MGRN1: variants seen among roughly 807,000 people sequenced by gnomAD.
MGRN1 encodes E3 ubiquitin-protein ligase MGRN1.
A neutral mutation model predicts 69.2 loss-of-function variants in MGRN1; 29 were observed. The ratio of observed to expected loss-of-function variants is 0.42; its 90% CI spans 0.31 to 0.57. The LOEUF (loss-of-function observed/expected upper bound fraction) is 0.57. Ranked by LOEUF, MGRN1 falls within the 20% of genes least tolerant of loss-of-function variation. The pLI is 0.15. For synonymous variants in MGRN1, 470 were observed against 344.2 expected (o/e 1.37, Z -4.04); for missense variants, 998 against 796.2 (o/e 1.25, Z -3.05).
chr16:4,680,140 T>C, intron 12 of MGRN1, 43 bp downstream of exon 12: 1 of 1,592,370 alleles, frequency 6.3e-7, no homozygotes, highest in South Asian at 1.1e-5. Flanking sequence ...GCCCCCGCCC[T>C]CATTTTTAAA....
chr16:4,688,223 C>G (rs1010708042), intron 16 of MGRN1: 105 of 985,604 alleles, frequency 1.1e-4, no homozygotes, highest in Non-Finnish European at 1.2e-4. Flanking sequence ...GCACCATTGC[C>G]CAAGCCCCAG....
chr16:4,650,338 T>G (rs774311972), intron 1 of MGRN1, 27 bp from the exon 2 acceptor site: 5 of 1,462,236 alleles, frequency 3.4e-6, no homozygotes, highest in Non-Finnish European at 4.7e-6. Context: ...AAAAAAAATC[T>G]ATAATCGTGT....
At chr16:4,655,615 C>T (rs1365126887) in intron 4 of MGRN1, among the ~76,000 whole-genome samples, 1 of 152,114 alleles carries the variant, frequency 6.6e-6, no homozygotes, top group Non-Finnish European at 1.5e-5. Context: ...CTTCCCCTCC[C>T]AGCAGGCATC....
At chr16:4,682,555 C>T (rs1433025378) in intron 13 of MGRN1, among the ~76,000 whole-genome samples, 5 of 152,218 alleles carry the variant, frequency 3.3e-5, no homozygotes, top group Admixed American at 6.5e-5. Flanking sequence ...CCAGCGGTTT[C>T]TCTTCTCCTT....
chr16:4,682,906 G>A lies in MGRN1; in HGVS notation c.1442G>A (p.Gly481Asp). 2 of 1,608,686 alleles carry A rather than the reference G, an allele frequency of 1.2e-6. No individual in the cohort carries two copies. The highest frequency in any genetic ancestry group is 8.5e-7 in the Non-Finnish European group (1 of 1,176,584). The change falls in exon 14 of 17, where the codon GGT becomes GAT. Residue 481 changes from glycine to aspartate, a missense_variant. Transcript: ENST00000262370. ...SEDVDAPPPL[G>D]GAELALRESS... is the part of the protein sequence containing the mutation. The stretch of plus-strand genomic sequence containing the variant: ...GACGTGGACGCCCCTCCCCCACTGG[G>A]TGGCGCAGAGCTGGCCCTGCGGGAA...
chr16:4,677,583 C>T lies in MGRN1; in HGVS notation c.1065+11C>T. The T allele has an allele frequency of 1.3e-6, 2 of 1,597,928 alleles. No homozygotes were observed. The highest frequency in any genetic ancestry group is 1.7e-6 in the Non-Finnish European group (2 of 1,178,452). ...CATGATGAGCACTCTGTAAGTGCCGCCTCCTGCCTGCGGGATGGGCGGGAG... is the reference window on the plus strand; with the variant it reads ...CATGATGAGCACTCTGTAAGTGCCGTCTCCTGCCTGCGGGATGGGCGGGAG... On this transcript the variant is annotated intron_variant, in intron 11 of 16. Transcript: ENST00000262370.
At chr16:4,627,463 A>G (rs927826967) in intron 1 of MGRN1, among the ~76,000 whole-genome samples, 11 of 152,262 alleles carry the variant, frequency 7.2e-5, no homozygotes, top group African/African-American at 2.7e-4. Flanking sequence ...TGTAAACATG[A>G]TTTGATGATT....
At chr16:4,625,607 A>G (rs1424305519) in intron 1 of MGRN1, among the ~76,000 whole-genome samples, 1 of 152,138 alleles carries the variant, frequency 6.6e-6, no homozygotes, top group Non-Finnish European at 1.5e-5. Context: ...CCTTGCTGAG[A>G]GGACCCAGCC....
At chr16:4,687,492 G>T (rs2141992199) in intron 16 of MGRN1, 1 of 975,464 alleles carries the variant, frequency 1.0e-6, no homozygotes, top group Non-Finnish European at 1.2e-6. Context: ...GCCCACTCCA[G>T]CCTGAGACGC....
chr16:4,674,759 G>A (rs2079019765), intron 10 of MGRN1, among the ~76,000 whole-genome samples: 1 of 146,124 alleles, frequency 6.8e-6, no homozygotes, highest in Admixed American at 6.9e-5. Context: ...TCCTGCCTCA[G>A]CCTCCCGAGT....
chr16:4,680,143 T>C, intron 12 of MGRN1, 46 bp downstream of exon 12: 1 of 1,578,770 alleles, frequency 6.3e-7, no homozygotes, highest in Non-Finnish European at 8.7e-7. Flanking sequence ...CCCGCCCTCA[T>C]TTTTAAACCC....
intron 1 of MGRN1, among the ~76,000 whole-genome samples, chr16:4,641,828 AT>A (rs1210523786): frequency 2.0e-5 from 3 of 151,840 alleles, no homozygotes; most frequent in Non-Finnish European, 4.4e-5. Context: ...CACTTTTTGT[AT>A]TTTTTGTAGA....
At chr16:4,646,219 C>T (rs749183018) in intron 1 of MGRN1, among the ~76,000 whole-genome samples, 3 of 152,006 alleles carry the variant, frequency 2.0e-5, no homozygotes, top group Non-Finnish European at 4.4e-5. Flanking sequence ...TTGCTTGTGC[C>T]CAGCAGTTTG....
At chr16:4,638,739 A>T (rs559673072) in intron 1 of MGRN1, among the ~76,000 whole-genome samples, 2 of 152,348 alleles carry the variant, frequency 1.3e-5, no homozygotes, top group Admixed American at 1.3e-4. Context: ...GGTAAGCAGG[A>T]ACACCTGTCC....
Position 4,665,103 on chromosome 16 carries a change from G to C in MGRN1, c.630G>C (p.Val210=), listed in dbSNP as rs2078771618. Residue 210 remains valine (V), a splice_region_variant and synonymous_variant, in exon 7 of 17, where the codon GTG becomes GTC. Transcript: ENST00000262370. ...VIQAVVDEGD[V]VEVTGHAHVL... ...ACTCTGCCCCTCTCTCCCCAGCAGT[G>C]GTGGAAGTGACTGGCCACGCCCACG... 2 of 1,614,100 alleles carry C rather than the reference G, an allele frequency of 1.2e-6. No homozygotes were observed. The highest frequency in any genetic ancestry group is 1.3e-5 in the African/African-American group (1 of 74,922).
At chr16:4,687,500 C>T (rs545996063) in intron 16 of MGRN1, 32 of 978,640 alleles carry the variant, frequency 3.3e-5, no homozygotes, top group Middle Eastern at 1.0e-3. Flanking sequence ...CAGCCTGAGA[C>T]GCTGTCTCAA....
At chr16:4,643,229 G>T (rs1308872059) in intron 1 of MGRN1, among the ~76,000 whole-genome samples, 1 of 151,834 alleles carries the variant, frequency 6.6e-6, no homozygotes, top group Non-Finnish European at 1.5e-5. Context: ...CAGAGCACTG[G>T]GATTATAGGC....
intron 1 of MGRN1, among the ~76,000 whole-genome samples, chr16:4,639,350 C>G (rs993048456): frequency 2.0e-5 from 3 of 152,002 alleles, no homozygotes; most frequent in African/African-American, 7.2e-5. Flanking sequence ...CGCGGCATCC[C>G]AAGGAGGGAA....
rs1020247917 is a variant in MGRN1, at chr16:4,668,671, TATAC to T, written c.726+363_726+366del. On this transcript the variant is annotated intron_variant, in intron 8 of 16. Coordinates refer to ENST00000262370, the MANE Select transcript of MGRN1 (RefSeq NM_015246.4). Reference sequence around the variant, plus strand: ...ACACTCATATACTCAGTCACACACATATACATAGACACACTCGTACACATACACA... The same window carrying T: ...ACACTCATATACTCAGTCACACACATATAGACACACTCGTACACATACACA... Among the ~76,000 whole-genome samples the T allele has an allele frequency of 7.1e-5, 10 of 141,514 alleles. No individual in the cohort carries two copies. In the East Asian group the frequency reaches 1.8e-3, roughly 25 times the overall value. 92.8% of individuals were successfully genotyped at this position (141,514 alleles called of 152,430 possible). A position where few individuals can be genotyped will look rare whatever the true frequency, so the allele number is the denominator to read the frequency against.
Sources: gnomAD v4.1 joint callset for allele counts (sites outside exome capture counted in the v4.1 genomes callset) on GRCh38, gnomAD v4.1.1 for gene constraint, MANE v1.5 for transcripts, NCBI Gene and HGNC (gene_info 2026-07-23, HGNC 2026-07-21) for gene names.